Variants in MAGI2 observed in about 807,000 individuals in gnomAD.
MAGI2 encodes membrane associated guanylate kinase, WW and PDZ domain containing 2.
In MAGI2, 35 loss-of-function variants were observed where a neutral mutation model predicts 133.3. That is an observed-to-expected ratio of 0.26 (90% CI 0.20 to 0.35). The LOEUF (loss-of-function observed/expected upper bound fraction) is 0.35. Among genes scored for constraint, MAGI2 ranks in the 10% least tolerant of loss-of-function variants. MAGI2 has a pLI of 1.00. For missense variants in MAGI2, 1,636 were observed against 1,863.4 expected, an observed-to-expected ratio of 0.88 and a Z score of 2.25; for synonymous variants, 729 against 710.6, an observed-to-expected ratio of 1.03 and a Z score of -0.41.
chr7:78,684,347 T>G (rs1816035324), intron 2 of MAGI2, among the ~76,000 whole-genome samples: 1 of 152,130 alleles, frequency 6.6e-6, no homozygotes, highest in Admixed American at 6.6e-5. Flanking sequence ...TCACAGCCTA[T>G]GATCCCCCAG....
intron 4 of MAGI2, among the ~76,000 whole-genome samples, chr7:78,520,961 G>T (rs113548254): frequency 6.6e-6 from 1 of 152,132 alleles, no homozygotes; most frequent in African/African-American, 2.4e-5. Context: ...ATTCATTGAA[G>T]TTGTAAACTA....
At chr7:78,345,799 G>A in intron 8 of MAGI2, 123 bp downstream of exon 8, 1 of 1,347,328 alleles carries the variant, frequency 7.4e-7, no homozygotes, top group South Asian at 1.4e-5. Flanking sequence ...AAAGCTAATA[G>A]GAAGGTCTGG....
intron 6 of MAGI2, among the ~76,000 whole-genome samples, chr7:78,419,397 G>GC (rs1798589449): frequency 1.5e-5 from 1 of 65,038 alleles, no homozygotes; most frequent in Non-Finnish European, 3.4e-5. Flanking sequence ...TATGCACCGA[G>GC]CTTGTGTGTG....
chr7:79,423,941 T>G (rs879314246), intron 1 of MAGI2, among the ~76,000 whole-genome samples: 5 of 152,194 alleles, frequency 3.3e-5, no homozygotes, highest in Non-Finnish European at 7.4e-5. Context: ...ATTTGGTTCA[T>G]GTAACTTTCA....
chr7:78,213,014 G>C (rs1787921801), intron 10 of MAGI2, among the ~76,000 whole-genome samples: 1 of 152,266 alleles, frequency 6.6e-6, no homozygotes, highest in South Asian at 2.1e-4. Context: ...GTGATGGAAG[G>C]AGAAGCCTGG....
chr7:79,175,845 G>T (rs1194454892), intron 1 of MAGI2, among the ~76,000 whole-genome samples: 1 of 152,054 alleles, frequency 6.6e-6, no homozygotes, highest in South Asian at 2.1e-4. Context: ...GTCCATTGTT[G>T]ACTGAAACAT....
intron 6 of MAGI2, among the ~76,000 whole-genome samples, chr7:78,441,382 A>C (rs1394937963): frequency 2.0e-5 from 3 of 152,214 alleles, no homozygotes; most frequent in African/African-American, 7.2e-5. Context: ...AAAGGGTTAC[A>C]TTATCAGAAT....
intron 6 of MAGI2, among the ~76,000 whole-genome samples, chr7:78,388,245 T>C (rs1173403538): frequency 6.6e-6 from 1 of 151,624 alleles, no homozygotes; most frequent in African/African-American, 2.4e-5. Context: ...GCTATGATTA[T>C]TACTAGTACT....
chr7:79,291,900 AT>A (rs1000890437), intron 1 of MAGI2, among the ~76,000 whole-genome samples: 1 of 151,866 alleles, frequency 6.6e-6, no homozygotes, highest in African/African-American at 2.4e-5. Context: ...CTATAAAGCA[AT>A]TTTTTTTAAT....
intron 1 of MAGI2, among the ~76,000 whole-genome samples, chr7:79,419,240 G>A (rs1846764133): frequency 6.6e-6 from 1 of 151,970 alleles, no homozygotes; most frequent in Non-Finnish European, 1.5e-5. Context: ...ATACTGAGAT[G>A]CCTAGAATAC....
intron 1 of MAGI2, among the ~76,000 whole-genome samples, chr7:79,047,562 T>C (rs899001420): frequency 2.6e-5 from 4 of 152,102 alleles, no homozygotes; most frequent in Non-Finnish European, 4.4e-5. Context: ...CATTCTTTTA[T>C]ATGTGTGTTT....
intron 1 of MAGI2, among the ~76,000 whole-genome samples, chr7:79,422,830 T>A (rs144574233): frequency 2.1e-3 from 313 of 152,148 alleles, no homozygotes; most frequent in African/African-American, 7.2e-3. Context: ...AAATATAGAA[T>A]GCCAAGGTAG....
chr7:79,420,483 T>C (rs1463882921), intron 1 of MAGI2, among the ~76,000 whole-genome samples: 1 of 151,942 alleles, frequency 6.6e-6, no homozygotes, highest in African/African-American at 2.4e-5. Flanking sequence ...CAACCTCACT[T>C]TTCTCAATGT....
At chr7:78,255,820 T>G in intron 10 of MAGI2, 123 bp downstream of exon 10, 1 of 1,035,086 alleles carries the variant, frequency 9.7e-7, no homozygotes, top group East Asian at 2.6e-5. Context: ...TCTCACTCTT[T>G]AAGCTTTATT....
At chr7:79,046,726 A>T (rs543344909) in intron 1 of MAGI2, among the ~76,000 whole-genome samples, 2 of 152,332 alleles carry the variant, frequency 1.3e-5, no homozygotes, top group African/African-American at 4.8e-5. Context: ...CTGGCACTGA[A>T]GTCTTGTAAA....
chr7:78,600,451 T>A lies in MAGI2; in HGVS notation c.538+26669A>T, dbSNP rs536659856. On this transcript the variant is annotated intron_variant, in intron 3 of 21. Transcript: ENST00000354212. ...TAAAAATATGATGCCATACAAAAAA[T>A]GATTAACAGATTGAAGTAAGAAGGG... Among the ~76,000 whole-genome samples the A allele has an allele frequency of 2.3e-4, 35 of 152,188 alleles. No individual in the cohort carries two copies. The South Asian group carries it at 7.1e-3, about 31-fold the overall frequency.
chr7:78,548,823 TTA>T (rs1799091683), intron 3 of MAGI2, among the ~76,000 whole-genome samples: 1 of 152,222 alleles, frequency 6.6e-6, no homozygotes, highest in Non-Finnish European at 1.5e-5. Flanking sequence ...AGTGGGACAA[TTA>T]TTTTTTCTTT....
intron 1 of MAGI2, among the ~76,000 whole-genome samples, chr7:79,428,044 C>A (rs1249597811): frequency 6.6e-6 from 1 of 151,986 alleles, no homozygotes; most frequent in Non-Finnish European, 1.5e-5. Flanking sequence ...AACTAGAAAA[C>A]TATGGGGTCC....
At chr7:78,844,834 CA>C (rs149994891) in intron 2 of MAGI2, among the ~76,000 whole-genome samples, 16 of 151,352 alleles carry the variant, frequency 1.1e-4, no homozygotes, top group East Asian at 5.9e-4. Flanking sequence ...TAAAAATAAA[CA>C]AAAAAAATCC....
Sources: gnomAD v4.1 joint callset for allele counts (sites outside exome capture counted in the v4.1 genomes callset) on GRCh38, gnomAD v4.1.1 for gene constraint, MANE v1.5 for transcripts, NCBI Gene and HGNC (gene_info 2026-07-23, HGNC 2026-07-21) for gene names.